AP3B1: variants seen among roughly 807,000 people sequenced by gnomAD.
The protein encoded by AP3B1 is AP-3 complex subunit beta-1.
In AP3B1, 61 loss-of-function variants were observed where a neutral mutation model predicts 132.5. That is an observed-to-expected ratio of 0.46 (90% CI 0.37 to 0.57). The LOEUF is 0.57. Ranked by LOEUF, AP3B1 falls within the 20% of genes least tolerant of loss-of-function variation. The probability of loss-of-function intolerance (pLI) is 0.00; values close to 1 mark genes in which losing one functional copy is unlikely to be tolerated. For synonymous variants in AP3B1, 388 were observed against 438.3 expected (o/e 0.89, Z 1.43); for missense variants, 1,120 against 1,289.4 (o/e 0.87, Z 2.01).
intron 24 of AP3B1, among the ~76,000 whole-genome samples, chr5:78,033,798 G>A (rs1747680310): frequency 6.6e-6 from 1 of 151,716 alleles, no homozygotes; most frequent in Non-Finnish European, 1.5e-5. Flanking sequence ...AAGCTCTTCT[G>A]AACAGCATTC....
At chr5:78,082,567 TCA>T (rs1420285791) in intron 22 of AP3B1, among the ~76,000 whole-genome samples, 30 of 152,176 alleles carry the variant, frequency 2.0e-4, no homozygotes, top group Non-Finnish European at 3.4e-4. Context: ...TTTACGCAAG[TCA>T]AAGAACTGCT....
chr5:78,176,030 T>A (rs1744134403), intron 9 of AP3B1, among the ~76,000 whole-genome samples, 192 bp from the exon 10 acceptor site: 1 of 152,176 alleles, frequency 6.6e-6, no homozygotes, highest in Non-Finnish European at 1.5e-5. Flanking sequence ...TACCAATAAA[T>A]TAGACGTGAT....
chr5:78,181,597 A>C lies in AP3B1; in HGVS notation c.852T>G (p.Thr284=). The C allele has an allele frequency of 6.2e-7, 1 of 1,612,304 alleles. No homozygotes were observed. The highest frequency in any genetic ancestry group is 8.5e-7 in the Non-Finnish European group (1 of 1,179,188). The part of the protein sequence containing the change: ...YESDDDQKEK[T]DKKKKPYTMD... ...TAGTATACGGCTTCTTCTTTTTGTC[A>C]GTCTTTTCCTTCTGATCATCATCAG... Residue 284 remains threonine (T), a synonymous_variant, in exon 8 of 27, where the codon ACT becomes ACG. Transcript: ENST00000255194.
At chr5:78,064,049 T>A (rs1330986127) in intron 22 of AP3B1, among the ~76,000 whole-genome samples, 1 of 150,308 alleles carries the variant, frequency 6.7e-6, no homozygotes, top group Non-Finnish European at 1.5e-5. Flanking sequence ...GAAAGATCAA[T>A]TACAATTCAG....
At chr5:78,080,976 T>A (rs562970579) in intron 22 of AP3B1, among the ~76,000 whole-genome samples, 3 of 152,174 alleles carry the variant, frequency 2.0e-5, no homozygotes, top group Non-Finnish European at 4.4e-5. Flanking sequence ...AGTTTTCAGC[T>A]GGAGTAAAGG....
At chr5:78,206,961 A>G (rs1745530257) in intron 7 of AP3B1, among the ~76,000 whole-genome samples, 1 of 152,106 alleles carries the variant, frequency 6.6e-6, no homozygotes, top group African/African-American at 2.4e-5. Context: ...GTGTTTATAA[A>G]AAATACAAAA....
intron 22 of AP3B1, among the ~76,000 whole-genome samples, chr5:78,046,363 C>G (rs558239754): frequency 1.3e-5 from 2 of 152,190 alleles, no homozygotes; most frequent in African/African-American, 4.8e-5. Flanking sequence ...GAGCATCTAA[C>G]GCCTGCCTGA....
At chr5:78,157,688 C>T (rs776579266) in intron 13 of AP3B1, among the ~76,000 whole-genome samples, 1 of 151,964 alleles carries the variant, frequency 6.6e-6, no homozygotes, top group Non-Finnish European at 1.5e-5. Flanking sequence ...ATTAGGAATT[C>T]CCCTGGCATA....
chr5:78,245,248 C>A (rs147016645), intron 2 of AP3B1, among the ~76,000 whole-genome samples: 1 of 152,128 alleles, frequency 6.6e-6, no homozygotes, highest in African/African-American at 2.4e-5. Context: ...GGAGGCAATG[C>A]GTAATAGGCG....
At chr5:78,201,847 A>T (rs1745301768) in intron 7 of AP3B1, among the ~76,000 whole-genome samples, 1 of 152,208 alleles carries the variant, frequency 6.6e-6, no homozygotes, top group Non-Finnish European at 1.5e-5. Context: ...TCTCCCCAGA[A>T]AAAATGTGTT....
chr5:78,256,332 AT>A (rs1747845506), intron 2 of AP3B1, among the ~76,000 whole-genome samples: 2 of 152,116 alleles, frequency 1.3e-5, no homozygotes, highest in African/African-American at 4.8e-5. Flanking sequence ...GAAAAAGAAG[AT>A]ATTACAACTG....
At chr5:78,059,951 TG>T (rs1471801578) in intron 22 of AP3B1, among the ~76,000 whole-genome samples, 6 of 151,918 alleles carry the variant, frequency 3.9e-5, no homozygotes, top group Non-Finnish European at 8.8e-5. Flanking sequence ...GACACTTGGT[TG>T]AAGAAATACA....
intron 26 of AP3B1, among the ~76,000 whole-genome samples, chr5:78,011,108 T>C (rs1012288495): frequency 3.4e-5 from 5 of 148,576 alleles, no homozygotes; most frequent in African/African-American, 5.0e-5. Context: ...CAGTGGACCA[T>C]CTTGGCTCAC....
intron 23 of AP3B1, among the ~76,000 whole-genome samples, chr5:78,034,731 T>C (rs954052916): frequency 1.3e-5 from 2 of 152,016 alleles, no homozygotes; most frequent in Non-Finnish European, 2.9e-5. Context: ...TGTTTTCTAA[T>C]ATTATCTCTA....
At chr5:78,238,523 C>T (rs1163912276) in intron 3 of AP3B1, among the ~76,000 whole-genome samples, 1 of 152,004 alleles carries the variant, frequency 6.6e-6, no homozygotes, top group African/African-American at 2.4e-5. Flanking sequence ...ACTGATATAG[C>T]CTATTGCTCC....
chr5:78,117,857 T>C (rs990222945), intron 17 of AP3B1, among the ~76,000 whole-genome samples: 2 of 152,210 alleles, frequency 1.3e-5, no homozygotes, highest in South Asian at 2.1e-4. Context: ...ATGCTTCATA[T>C]ATGATTTTTT....
intron 11 of AP3B1, among the ~76,000 whole-genome samples, chr5:78,169,645 G>A (rs976919636): frequency 1.3e-5 from 2 of 151,992 alleles, no homozygotes; most frequent in African/African-American, 4.8e-5. Flanking sequence ...CGAAGCTGGT[G>A]TCGAACTCCT....
At chr5:78,290,655 AAAG>A (rs1561224772) in intron 1 of AP3B1, among the ~76,000 whole-genome samples, 1 of 152,170 alleles carries the variant, frequency 6.6e-6, no homozygotes, top group Non-Finnish European at 1.5e-5. Flanking sequence ...AATATTTTAA[AAAG>A]AAGGAAGGGG....
rs763161676 is a variant in AP3B1, at chr5:78,116,039, T to C, written c.2077+87A>G. ...ACAAACTTCACTTAAAACTACCTGCTGAATATTATGGATTAGGCCTTGTTT... is the reference window on the plus strand; with the variant it reads ...ACAAACTTCACTTAAAACTACCTGCCGAATATTATGGATTAGGCCTTGTTT... On this transcript the variant is annotated intron_variant, in intron 18 of 26. Coordinates refer to ENST00000255194, the MANE Select transcript of AP3B1 (RefSeq NM_003664.5). 8 of 965,988 alleles carry C rather than the reference T, an allele frequency of 8.3e-6. No individual in the cohort carries two copies. In the African/African-American group the frequency reaches 9.6e-5, roughly 12 times the overall value. 59.8% of individuals were successfully genotyped at this position (965,988 alleles called of 1,614,324 possible).
Sources: gnomAD v4.1 joint callset for allele counts (sites outside exome capture counted in the v4.1 genomes callset) on GRCh38, gnomAD v4.1.1 for gene constraint, MANE v1.5 for transcripts, NCBI Gene and HGNC (gene_info 2026-07-23, HGNC 2026-07-21) for gene names.